Variants in SMG1 observed in about 807,000 individuals in gnomAD.
The protein encoded by SMG1 is serine/threonine-protein kinase SMG1.
A neutral mutation model predicts 419.9 loss-of-function variants in SMG1; 22 were observed. The observed-to-expected ratio is 0.05, with a 90% CI of 0.04 to 0.07. SMG1 has a LOEUF of 0.07. Ranked by LOEUF, SMG1 falls within the 10% of genes least tolerant of loss-of-function variation. The probability of loss-of-function intolerance (pLI) is 1.00; values close to 1 mark genes in which losing one functional copy is unlikely to be tolerated. For synonymous variants in SMG1, 1,538 were observed against 1,553.5 expected (o/e 0.99, Z 0.23); for missense variants, 3,185 against 4,342.0 (o/e 0.73, Z 7.49).
intron 43 of SMG1, 23 bp downstream of exon 43, chr16:18,838,528 T>C: frequency 6.2e-7 from 1 of 1,613,884 alleles, no homozygotes; most frequent in South Asian, 1.1e-5. Flanking sequence ...CCCTCATAAA[T>C]GTAAAGTCTA....
Position 18,864,037 on chromosome 16 carries a change from C to A in SMG1, c.3458G>T (p.Gly1153Val), listed in dbSNP as rs1385759076. The change falls in exon 24 of 63, where the codon GGG becomes GTG. Residue 1153 changes from glycine (G) to valine (V), a missense_variant. This residue lies in a region of SMG1 where 121 missense variants were observed against 125.4 expected (regional missense o/e 0.96). Transcript: ENST00000446231. ...DKSVLTLANA[G>V]RNSASPKHSL... ...ATGTTTCGGGCTGGCACTGTTACGC[C>A]CAGCATTGGCTAAGGTGAGCACCGA... The A allele has an allele frequency of 4.0e-5, 62 of 1,549,874 alleles. No homozygotes were observed. Among genetic ancestry groups the A allele is most frequent in the Non-Finnish European group, 5.1e-5 (59 of 1,146,996 alleles).
rs1486377108 is a variant in SMG1 at position 18,868,856 on chromosome 16, G to T, written c.2834-137C>A. On this transcript the variant is annotated intron_variant, in intron 20 of 62. Coordinates refer to ENST00000446231, the MANE Select transcript of SMG1 (RefSeq NM_015092.5). Reference sequence around the variant, plus strand: ...ATTTAAAAATAAAAAATCCCAACATGAAAGATCTTTCATTTTAGGGGAAAG... The same window carrying T: ...ATTTAAAAATAAAAAATCCCAACATTAAAGATCTTTCATTTTAGGGGAAAG... 2.2e-5 allele frequency: 14 copies of T among 648,456 alleles called. No individual in the cohort carries two copies. The East Asian group carries it at 3.3e-4, about 15-fold the overall frequency. 40.2% of individuals were successfully genotyped at this position (648,456 alleles called of 1,614,324 possible). A position where few individuals can be genotyped will look rare whatever the true frequency, so the allele number is the denominator to read the frequency against.
intron 1 of SMG1, among the ~76,000 whole-genome samples, chr16:18,906,211 C>T (rs1350628515): frequency 6.6e-6 from 1 of 152,020 alleles, no homozygotes; most frequent in Non-Finnish European, 1.5e-5. Flanking sequence ...CAGCTGCGCA[C>T]GGTGGTTCAC....
intron 62 of SMG1, 25 bp from the exon 63 acceptor site, chr16:18,809,671 G>C: frequency 6.5e-7 from 1 of 1,540,222 alleles, no homozygotes; most frequent in Non-Finnish European, 8.9e-7. Context: ...AGGATAGTAT[G>C]TAAAGTCATT....
At position 18,809,405 on chromosome 16, in the gene SMG1, C is replaced by T. The variant is rs967513259; in HGVS notation, c.*164G>A. On this transcript the variant is annotated 3_prime_UTR_variant, in exon 63 of 63. Coordinates refer to ENST00000446231, the MANE Select transcript of SMG1 (RefSeq NM_015092.5). Reference sequence around the variant, plus strand: ...GGGCGTATCCCTGAGTGCAGCTGTCCTGCGGGATTCACTTCCTAGTGCACC... The same window carrying T: ...GGGCGTATCCCTGAGTGCAGCTGTCTTGCGGGATTCACTTCCTAGTGCACC... The T allele has an allele frequency of 7.9e-6, 5 of 633,442 alleles. No homozygotes were observed. The highest frequency in any genetic ancestry group is 2.8e-5 in the East Asian group (1 of 35,680). 39.2% of individuals were successfully genotyped at this position (633,442 alleles called of 1,614,324 possible).
chr16:18,880,385 G>C (rs2036328862), intron 10 of SMG1, among the ~76,000 whole-genome samples: 1 of 152,044 alleles, frequency 6.6e-6, no homozygotes, highest in Admixed American at 6.5e-5. Context: ...ATACATACAG[G>C]ATTTTATTTA....
At chr16:18,919,655 T>TACACAC (rs1253293502) in intron 1 of SMG1, among the ~76,000 whole-genome samples, 16 of 80,030 alleles carry the variant, frequency 2.0e-4, no homozygotes, top group Non-Finnish European at 2.5e-4. Flanking sequence ...TGTGTGTATA[T>TACACAC]ATACACACAC....
chr16:18,835,832 G>A (rs191486461), intron 48 of SMG1, 101 bp downstream of exon 48: 347 of 1,112,100 alleles, frequency 3.1e-4, no homozygotes, highest in Non-Finnish European at 4.2e-4. Context: ...CTCAGAGACG[G>A]AGGTTGCAGT....
rs1481055087 is a variant in SMG1, at chr16:18,849,234, C to T, written c.5606G>A (p.Ser1869Asn). ...PAIVGTISLS[S>N]ESQASGNKFS... ...TTCCATACCTGAAGCCTGGGATTCACTACTAAGCGATATGGTACCCACTAT... is the reference window on the plus strand; with the variant it reads ...TTCCATACCTGAAGCCTGGGATTCATTACTAAGCGATATGGTACCCACTAT... Residue 1869 changes from serine to asparagine, a missense_variant, in exon 36 of 63, where the codon AGT becomes AAT. Around this residue, in one of 27 missense-constraint regions of SMG1, gnomAD observed 130 missense variants for 162.0 expected, o/e 0.80. Transcript: ENST00000446231. 1.9e-6 allele frequency: 3 copies of T among 1,610,888 alleles called. No individual in the cohort carries two copies. The East Asian group carries it at 6.7e-5, about 36-fold the overall frequency.
chr16:18,905,199 T>C (rs1319616353), intron 1 of SMG1, among the ~76,000 whole-genome samples: 1 of 152,124 alleles, frequency 6.6e-6, no homozygotes, highest in Non-Finnish European at 1.5e-5. Flanking sequence ...AGGTGGAGGT[T>C]GCAGTGAGCT....
At position 18,817,170 on chromosome 16, in the gene SMG1, C is replaced by G. The variant is rs1008159352; in HGVS notation, c.10074+121G>C. On this transcript the variant is annotated intron_variant, in intron 57 of 62. Transcript: ENST00000446231. ...TTAATCATCACTGTCCCCCCGCCCC[C>G]CTAACAACCTCTTACATACAGTATA... The G allele has an allele frequency of 3.4e-5, 25 of 742,726 alleles. No homozygotes were observed. The African/African-American group carries it at 4.4e-4, about 13-fold the overall frequency. 46.0% of individuals were successfully genotyped at this position (742,726 alleles called of 1,614,324 possible). A position where few individuals can be genotyped will look rare whatever the true frequency, so the allele number is the denominator to read the frequency against.
intron 18 of SMG1, among the ~76,000 whole-genome samples, 165 bp downstream of exon 18, chr16:18,870,445 A>G (rs2035755210): frequency 6.6e-6 from 1 of 152,208 alleles, no homozygotes. Context: ...TTTCTTGCAG[A>G]CCTGCAAAAT....
At chr16:18,842,499 C>A (rs2033981366) in intron 39 of SMG1, 45 bp from the exon 40 acceptor site, 1 of 1,572,392 alleles carries the variant, frequency 6.4e-7, no homozygotes. Context: ...TACATTAGAA[C>A]ACTTATTTTC....
intron 33 of SMG1, among the ~76,000 whole-genome samples, chr16:18,850,871 A>G (rs2034552577): frequency 6.6e-6 from 1 of 152,172 alleles, no homozygotes; most frequent in African/African-American, 2.4e-5. Flanking sequence ...CTCATGCCTC[A>G]GCCTCCTAAG....
chr16:18,904,568 G>T (rs1006671285), intron 1 of SMG1, among the ~76,000 whole-genome samples: 3 of 151,950 alleles, frequency 2.0e-5, no homozygotes, highest in Admixed American at 2.0e-4. Flanking sequence ...AACCCAGGAG[G>T]CAGAGCTTGC....
Position 18,860,569 on chromosome 16 carries a change from T to C in SMG1, c.3805+98A>G, listed in dbSNP as rs528938193. The stretch of plus-strand genomic sequence containing the variant: ...ACATGGGATTCTGCCCCCACAAAAA[T>C]GTAAAATAACTTCCAGATTTTCCAG... On this transcript the variant is annotated intron_variant, in intron 26 of 62. Transcript: ENST00000446231. 10 of 635,650 alleles carry C rather than the reference T, an allele frequency of 1.6e-5. No individual in the cohort carries two copies. In the Admixed American group the frequency reaches 2.3e-4, roughly 14 times the overall value. The allele number at this position is 635,650 out of a possible 1,614,324, so 39.4% of individuals were successfully genotyped here. A position where few individuals can be genotyped will look rare whatever the true frequency, so the allele number is the denominator to read the frequency against.
At position 18,859,606 on chromosome 16, in the gene SMG1, T is replaced by C. The variant is rs1285322609; in HGVS notation, c.3903A>G (p.Ala1301=). Residue 1301 remains alanine, a synonymous_variant, in exon 27 of 63, where the codon GCA becomes GCG. Coordinates refer to ENST00000446231, the MANE Select transcript of SMG1 (RefSeq NM_015092.5). ...CTTGTTCTATCGGGTTTAAAGCAGT[T>C]GCCAAACAAACAGAACTTCTTAACA... is the stretch of plus-strand genomic sequence containing the variant. ...VQLLRSSVCL[A]TALNPIEQDQ... 1 of 1,607,810 alleles carries C rather than the reference T, an allele frequency of 6.2e-7. No individual in the cohort carries two copies.
In SMG1 at chr16:18,833,139, T is replaced by C. The variant is rs759016300; in HGVS notation, c.8593A>G (p.Ile2865Val). 3.7e-6 allele frequency: 6 copies of C among 1,613,888 alleles called. No individual in the cohort carries two copies. The highest frequency in any genetic ancestry group is 1.3e-5 in the African/African-American group (1 of 75,048). Residue 2865 changes from isoleucine (I) to valine (V), a missense_variant, in exon 51 of 63, where the codon ATA becomes GTA. Coordinates refer to ENST00000446231, the MANE Select transcript of SMG1 (RefSeq NM_015092.5). Reference sequence around the variant, plus strand: ...AAACATCGAAGTGCTTCTGGAAATATGATTTGCCGGAAATTCGAATTCAAT... The same window carrying C: ...AAACATCGAAGTGCTTCTGGAAATACGATTTGCCGGAAATTCGAATTCAAT... The part of the protein sequence containing the change: ...QELNSNFRQI[I>V]FPEALRCLMK...
chr16:18,849,275 G>A lies in SMG1; in HGVS notation c.5565C>T (p.Leu1855=). ...LCRVAQDSPH[L]ILYPAIVGTI... ...TACCCACTATTGCAGGATACAATAT[G>A]AGATGTGGGGAATCTTGAGCCACAC... The change falls in exon 36 of 63, where the codon CTC becomes CTT. Residue 1855 remains leucine (L), a synonymous_variant. Transcript: ENST00000446231. 1.2e-6 allele frequency: 2 copies of A among 1,613,640 alleles called. No individual in the cohort carries two copies. The highest frequency in any genetic ancestry group is 1.7e-6 in the Non-Finnish European group (2 of 1,179,690).
Sources: gnomAD v4.1 joint callset for allele counts (sites outside exome capture counted in the v4.1 genomes callset) on GRCh38, gnomAD v4.1.1 for gene constraint, gnomAD v4.1.1 regional missense constraint, MANE v1.5 for transcripts, NCBI Gene and HGNC (gene_info 2026-07-23, HGNC 2026-07-21) for gene names.